Variants in CMBL observed in about 807,000 individuals in gnomAD.
The protein encoded by CMBL is carboxymethylenebutenolidase homolog, also known as carboxymethylenebutenolidase homolog (Pseudomonas).
A neutral mutation model predicts 28.7 loss-of-function variants in CMBL; 17 were observed. That is an observed-to-expected ratio of 0.59 (90% CI 0.41 to 0.89). The LOEUF (loss-of-function observed/expected upper bound fraction) is 0.89. Ranked by LOEUF, CMBL falls within the 40% of genes least tolerant of loss-of-function variation. The probability of loss-of-function intolerance (pLI) is 0.00; values close to 1 mark genes in which losing one functional copy is unlikely to be tolerated. For synonymous variants in CMBL, 106 were observed against 101.6 expected (o/e 1.04, Z -0.26); for missense variants, 310 against 298.5 (o/e 1.04, Z -0.28).
chr5:10,291,289 G>A (rs1746711172), intron 1 of CMBL, among the ~76,000 whole-genome samples: 1 of 152,190 alleles, frequency 6.6e-6, no homozygotes, highest in Non-Finnish European at 1.5e-5. Context: ...AAAGCAAAAG[G>A]AGAAGAGCTC....
At chr5:10,288,145 T>G (rs1746639521) in intron 3 of CMBL, among the ~76,000 whole-genome samples, 1 of 151,162 alleles carries the variant, frequency 6.6e-6, no homozygotes, top group East Asian at 2.0e-4. Flanking sequence ...CAGGCGCCTG[T>G]AATCCCAGCT....
intron 1 of CMBL, among the ~76,000 whole-genome samples, chr5:10,298,067 G>C (rs1364535259): frequency 2.0e-5 from 3 of 151,582 alleles, no homozygotes; most frequent in Non-Finnish European, 4.4e-5. Context: ...AGCAGGCGCA[G>C]AGCAGGCAGA....
At position 10,280,537 on chromosome 5, in the gene CMBL, C is replaced by A; in HGVS notation, c.654G>T (p.Lys218Asn). Residue 218 changes from lysine (K) to asparagine (N), a missense_variant, in exon 6 of 6, where the codon AAG becomes AAT. By Grantham distance (94) the Lys-to-Asn change is moderately conservative. Coordinates refer to ENST00000296658, the MANE Select transcript of CMBL (RefSeq NM_138809.4). ...TGTCTGCAGGTGAGCAATCTTCTCT[C>A]TTCCGATGCACGAACCCATGAGTCT... ...SGQTHGFVHR[K>N]REDCSPADKP... The A allele has an allele frequency of 6.2e-7, 1 of 1,614,020 alleles. No homozygotes were observed. Among genetic ancestry groups the A allele is most frequent in the East Asian group, 2.2e-5 (1 of 44,882 alleles).
At chr5:10,287,457 G>A (rs774217251) in intron 3 of CMBL, among the ~76,000 whole-genome samples, 15 of 139,438 alleles carry the variant, frequency 1.1e-4, no homozygotes, top group South Asian at 2.7e-4. Flanking sequence ...GAGGCACATA[G>A]AGTGATATAA....
chr5:10,278,342 G>A lies in CMBL; in HGVS notation c.*2111C>T, dbSNP rs1268048566. ...ATCTGCCTTACAAAACCGCCTCCTG[G>A]GACCACCTTCCCATGGACAGCTGGA... On this transcript the variant is annotated 3_prime_UTR_variant, in exon 6 of 6. Coordinates refer to ENST00000296658, the MANE Select transcript of CMBL (RefSeq NM_138809.4). 1.3e-5 allele frequency among the ~76,000 whole-genome samples: 2 copies of A among 152,020 alleles called. No individual in the cohort carries two copies. The highest frequency in any genetic ancestry group is 2.9e-5 in the Non-Finnish European group (2 of 68,010).
chr5:10,291,061 ACAGAAAGC>A (rs1336639285), intron 1 of CMBL, among the ~76,000 whole-genome samples: 1 of 152,202 alleles, frequency 6.6e-6, no homozygotes, highest in African/African-American at 2.4e-5. Flanking sequence ...CGGAGAGGAA[ACAGAAAGC>A]CAGAGTGAGG....
chr5:10,281,568 G>A (rs754770094), intron 5 of CMBL, among the ~76,000 whole-genome samples: 2 of 152,120 alleles, frequency 1.3e-5, no homozygotes, highest in African/African-American at 2.4e-5. Context: ...CTTATCAACT[G>A]ACTTTGTTTA....
At chr5:10,291,318 G>A (rs1289582628) in intron 1 of CMBL, among the ~76,000 whole-genome samples, 4 of 152,198 alleles carry the variant, frequency 2.6e-5, no homozygotes, top group South Asian at 2.1e-4. Context: ...AGGCTCAGGT[G>A]TGTGCGAAGA....
chr5:10,281,500 G>T (rs561454271), intron 5 of CMBL, among the ~76,000 whole-genome samples: 1 of 152,148 alleles, frequency 6.6e-6, no homozygotes, highest in South Asian at 2.1e-4. Flanking sequence ...TTACAGGCAT[G>T]AGCCACCACG....
At chr5:10,291,441 T>C (rs182146959) in intron 1 of CMBL, among the ~76,000 whole-genome samples, 18,873 of 151,964 alleles carry the variant, frequency 0.12, 1,727 homozygotes, top group African/African-American at 0.26. Context: ...GGCGGGCGGA[T>C]CACGAGGTCA....
intron 1 of CMBL, among the ~76,000 whole-genome samples, chr5:10,302,870 T>C (rs1579478635): frequency 6.6e-6 from 1 of 152,250 alleles, no homozygotes; most frequent in Non-Finnish European, 1.5e-5. Flanking sequence ...CTATCTCTTG[T>C]AGGGGAAACT....
At chr5:10,298,712 G>A (rs1397891958) in intron 1 of CMBL, among the ~76,000 whole-genome samples, 1 of 152,170 alleles carries the variant, frequency 6.6e-6, no homozygotes, top group Non-Finnish European at 1.5e-5. Context: ...GGCCAACATG[G>A]CAAAACCCCG....
chr5:10,281,869 T>C (rs1746501165), intron 5 of CMBL, among the ~76,000 whole-genome samples: 1 of 151,624 alleles, frequency 6.6e-6, no homozygotes, highest in Non-Finnish European at 1.5e-5. Context: ...CTATTAAATA[T>C]ATAAATGAGG....
rs1022361799 is a variant in CMBL, at chr5:10,289,678, G to A, written c.215+870C>T. ...ATTTATTTACTTATTTATTTTTACT[G>A]GGCTTGCCCCTAGAAAGTTAAGTCC... On this transcript the variant is annotated intron_variant, in intron 2 of 5. Coordinates refer to ENST00000296658, the MANE Select transcript of CMBL (RefSeq NM_138809.4). The surrounding 1 kb of genome is among the most constrained non-coding windows in gnomAD (Gnocchi z 4.3). 2.0e-5 allele frequency among the ~76,000 whole-genome samples: 3 copies of A among 152,094 alleles called. No homozygotes were observed. The highest frequency in any genetic ancestry group is 7.2e-5 in the African/African-American group (3 of 41,420).
At position 10,302,564 on chromosome 5, in the gene CMBL, G is replaced by A. The variant is rs1339041367; in HGVS notation, c.-20+5061C>T. 3.3e-5 allele frequency among the ~76,000 whole-genome samples: 5 copies of A among 149,726 alleles called. No individual in the cohort carries two copies. In the South Asian group the frequency reaches 6.3e-4, roughly 19 times the overall value. The stretch of plus-strand genomic sequence containing the variant: ...CTTGGGCGGCTGAGGCAGGAGAATC[G>A]CTTGAACCCAGGAGGTTGCAGCGAG... On this transcript the variant is annotated intron_variant, in intron 1 of 5. Transcript: ENST00000296658.
In CMBL at chr5:10,278,784, G is replaced by C. The variant is rs1299273470; in HGVS notation, c.*1669C>G. ...TCCGGGAGAGTGGCTGTCTCAGTAG[G>C]AATAAACTGGACACAGGTCAGATGA... On this transcript the variant is annotated 3_prime_UTR_variant, in exon 6 of 6. Transcript: ENST00000296658. Among the ~76,000 whole-genome samples, 1 of 152,074 alleles carries C rather than the reference G, an allele frequency of 6.6e-6. No homozygotes were observed. Among genetic ancestry groups the C allele is most frequent in the Non-Finnish European group, 1.5e-5 (1 of 68,030 alleles).
intron 3 of CMBL, among the ~76,000 whole-genome samples, chr5:10,287,754 A>T (rs1024613420): frequency 6.6e-6 from 1 of 151,198 alleles, no homozygotes; most frequent in Admixed American, 6.6e-5. Context: ...TCTGTCCCCC[A>T]GGCTGGAGTG....
At chr5:10,303,332 G>A (rs1746944624) in intron 1 of CMBL, among the ~76,000 whole-genome samples, 1 of 152,206 alleles carries the variant, frequency 6.6e-6, no homozygotes, top group Admixed American at 6.5e-5. Flanking sequence ...CAGGCCCTCT[G>A]GGGGCTGTGT....
intron 1 of CMBL, chr5:10,292,223 G>GT (rs1746733430): frequency 6.6e-6 from 1 of 151,410 alleles, no homozygotes; most frequent in Non-Finnish European, 1.5e-5. Flanking sequence ...TTTTTGTTTT[G>GT]TTTTTTGAGA....
Sources: allele counts gnomAD v4.1 joint callset (sites outside exome capture counted in the v4.1 genomes callset), GRCh38; gene constraint gnomAD v4.1.1; non-coding constraint Gnocchi (gnomAD v3.1); transcripts MANE v1.5; gene names NCBI Gene and HGNC (gene_info 2026-07-23, HGNC 2026-07-21).